The following PLEKHH2 variants were observed in gnomAD, a reference collection of about 807,000 sequenced individuals.
PLEKHH2 encodes the protein pleckstrin homology, MyTH4 and FERM domain containing H2.
In PLEKHH2, 129 loss-of-function variants were observed where a neutral mutation model predicts 187.9. That is an observed-to-expected ratio of 0.69 (90% CI 0.59 to 0.79). The LOEUF is 0.79. Ranked by LOEUF, PLEKHH2 falls within the 30% of genes least tolerant of loss-of-function variation. PLEKHH2 has a pLI of 0.00. For missense variants in PLEKHH2, 2,076 were observed against 1,751.2 expected (o/e 1.19, Z -3.31); for synonymous variants, 686 against 605.6 (o/e 1.13, Z -1.95).
At chr2:43,716,602 T>C (rs181824428) in intron 15 of PLEKHH2, among the ~76,000 whole-genome samples, 24 of 152,342 alleles carry the variant, frequency 1.6e-4, no homozygotes, top group Non-Finnish European at 2.5e-4. Context: ...TACATTGTAG[T>C]GAAGTGAGGA....
intron 26 of PLEKHH2, among the ~76,000 whole-genome samples, chr2:43,758,102 C>T (rs534148959): frequency 1.4e-4 from 22 of 152,304 alleles, no homozygotes; most frequent in African/African-American, 5.3e-4. Context: ...AAAATAGAAA[C>T]ATTTAAGATC....
At chr2:43,761,518 C>T (rs1411027383) in intron 27 of PLEKHH2, among the ~76,000 whole-genome samples, 2 of 150,206 alleles carry the variant, frequency 1.3e-5, no homozygotes, top group African/African-American at 4.9e-5. Context: ...TCCAGCTGTT[C>T]TCCTGTCTCA....
At chr2:43,670,810 T>C (rs985539628) in intron 2 of PLEKHH2, among the ~76,000 whole-genome samples, 1 of 152,170 alleles carries the variant, frequency 6.6e-6, no homozygotes, top group African/African-American at 2.4e-5. Flanking sequence ...AGTTTAACTC[T>C]CCATTTATTT....
rs1336229124 is a variant in PLEKHH2 at position 43,700,078 on chromosome 2, T to C, written c.1120T>C (p.Leu374=). The part of the protein sequence containing the change: ...NSPLGKGNSE[L]SKKEQDSSSD... ...TCCTCTTGGAAAGGGAAATTCTGAA[T>C]TAAGTAAAAAGGAACAAGATAGTTC... The change falls in exon 8 of 30, where the codon TTA becomes CTA. Residue 374 remains leucine (L), a synonymous_variant. Transcript: ENST00000282406. The C allele has an allele frequency of 1.3e-5, 21 of 1,613,962 alleles. No homozygotes were observed. The highest frequency in any genetic ancestry group is 2.2e-5 in the East Asian group (1 of 44,898).
intron 2 of PLEKHH2, among the ~76,000 whole-genome samples, chr2:43,677,810 A>T (rs77575799): frequency 4.8e-5 from 7 of 145,314 alleles, no homozygotes; most frequent in Admixed American, 2.0e-4. Context: ...CGCACCGGGC[A>T]GCTGGCTGGG....
At chr2:43,724,302 A>G (rs745816931) in intron 16 of PLEKHH2, among the ~76,000 whole-genome samples, 9 of 152,232 alleles carry the variant, frequency 5.9e-5, no homozygotes, top group Non-Finnish European at 1.3e-4. Context: ...GAAGGGCTCC[A>G]GCACTGAGCC....
intron 2 of PLEKHH2, among the ~76,000 whole-genome samples, chr2:43,678,600 C>T (rs1667992236): frequency 6.6e-6 from 1 of 152,222 alleles, no homozygotes; most frequent in East Asian, 1.9e-4. Context: ...ATCGCAGGCA[C>T]TCGGCAGGCT....
At chr2:43,646,305 T>C (rs1192717148) in intron 2 of PLEKHH2, among the ~76,000 whole-genome samples, 1 of 152,194 alleles carries the variant, frequency 6.6e-6, no homozygotes, top group Non-Finnish European at 1.5e-5. Flanking sequence ...TGTTGTACTA[T>C]GATTTATCCG....
At chr2:43,748,143 T>C (rs1671854028) in intron 24 of PLEKHH2, among the ~76,000 whole-genome samples, 1 of 152,226 alleles carries the variant, frequency 6.6e-6, no homozygotes, top group South Asian at 2.1e-4. Context: ...ACAGACTCTG[T>C]TGATCTGAAT....
At position 43,678,610 on chromosome 2, in the gene PLEKHH2, T is replaced by G. The variant is rs1178198212; in HGVS notation, c.124-253T>G. On this transcript the variant is annotated intron_variant, in intron 2 of 29. Transcript: ENST00000282406. ...CTGCAATCGCAGGCACTCGGCAGGCTGAGGCAGGAGAATCAGGCAGGGAGG... is the reference window on the plus strand; with the variant it reads ...CTGCAATCGCAGGCACTCGGCAGGCGGAGGCAGGAGAATCAGGCAGGGAGG... Among the ~76,000 whole-genome samples, 2 of 152,074 alleles carry G rather than the reference T, an allele frequency of 1.3e-5. 1 individual carries two copies. Among genetic ancestry groups the G allele is most frequent in the African/African-American group, 4.8e-5 (2 of 41,506 alleles).
intron 19 of PLEKHH2, among the ~76,000 whole-genome samples, chr2:43,736,376 G>A (rs1460009173): frequency 2.6e-5 from 4 of 152,186 alleles, no homozygotes; most frequent in Non-Finnish European, 5.9e-5. Context: ...GTGTAGGACA[G>A]ATTCTTCGGA....
intron 2 of PLEKHH2, among the ~76,000 whole-genome samples, 163 bp from the exon 3 acceptor site, chr2:43,678,700 G>A (rs1558470624): frequency 6.6e-6 from 1 of 152,032 alleles, no homozygotes; most frequent in Admixed American, 6.5e-5. Context: ...GGAGACCATG[G>A]AAAGAGAGGG....
intron 3 of PLEKHH2, chr2:43,680,887 T>C: frequency 1.7e-6 from 1 of 574,950 alleles, no homozygotes; most frequent in South Asian, 2.1e-5. Flanking sequence ...ATTTGACAAG[T>C]AGAATTTCTG....
At chr2:43,657,303 C>T (rs1456190754) in intron 2 of PLEKHH2, among the ~76,000 whole-genome samples, 1 of 152,112 alleles carries the variant, frequency 6.6e-6, no homozygotes, top group Non-Finnish European at 1.5e-5. Flanking sequence ...CAGGTGCTTC[C>T]AAGTAGTTGG....
At chr2:43,674,030 A>G (rs973789921) in intron 2 of PLEKHH2, among the ~76,000 whole-genome samples, 1 of 152,242 alleles carries the variant, frequency 6.6e-6, no homozygotes, top group Non-Finnish European at 1.5e-5. Context: ...ACTGTCCTTC[A>G]TATATGCATG....
At chr2:43,698,418 T>A (rs1164922217) in intron 7 of PLEKHH2, among the ~76,000 whole-genome samples, 4 of 152,056 alleles carry the variant, frequency 2.6e-5, no homozygotes, top group Admixed American at 2.6e-4. Context: ...TAGTTAATTT[T>A]TGTATTTTTT....
rs965648455 is a variant in PLEKHH2 at position 43,738,479 on chromosome 2, A to G, written c.3082A>G (p.Thr1028Ala). 1.1e-5 allele frequency: 17 copies of G among 1,613,816 alleles called. No individual in the cohort carries two copies. Among genetic ancestry groups the G allele is most frequent in the Admixed American group, 1.7e-5 (1 of 60,008 alleles). The change falls in exon 20 of 30, where the codon ACA becomes GCA. Residue 1028 changes from threonine to alanine, a missense_variant. Coordinates refer to ENST00000282406, the MANE Select transcript of PLEKHH2 (RefSeq NM_172069.4). ...AATTTGCTGTCAGCTTATTAAACAG[A>G]CAAGACGAAGACAGCCACAGAATCA... ...NEICCQLIKQ[T>A]RRRQPQNQPG...
At chr2:43,655,510 A>T (rs994856600) in intron 2 of PLEKHH2, among the ~76,000 whole-genome samples, 4 of 152,236 alleles carry the variant, frequency 2.6e-5, no homozygotes, top group African/African-American at 9.6e-5. Flanking sequence ...AGCTCTTAAA[A>T]TTTAGGTAAT....
chr2:43,716,840 C>T lies in PLEKHH2; in HGVS notation c.2461-3829C>T, dbSNP rs115910791. ...ATATAATGAGCCCTCATATATTCAT[C>T]ATCTAGTTTCAACAGTTATTAATTA... On this transcript the variant is annotated intron_variant, in intron 15 of 29. Coordinates refer to ENST00000282406, the MANE Select transcript of PLEKHH2 (RefSeq NM_172069.4). Among the ~76,000 whole-genome samples, 1,247 of 152,248 alleles carry T rather than the reference C, an allele frequency of 8.2e-3. 23 individuals carry two copies. Among genetic ancestry groups the T allele is most frequent in the African/African-American group, 0.029 (1,206 of 41,536 alleles).
Sources: allele counts gnomAD v4.1 joint callset (sites outside exome capture counted in the v4.1 genomes callset), GRCh38; gene constraint gnomAD v4.1.1; transcripts MANE v1.5; gene names NCBI Gene and HGNC (gene_info 2026-07-23, HGNC 2026-07-21).